Variants in SRSF10 observed in about 807,000 individuals in gnomAD.
SRSF10 encodes the protein serine/arginine-rich splicing factor 10.
SRSF10 carries 9 observed loss-of-function variants against 32.6 expected under a neutral mutation model. The observed-to-expected ratio is 0.28, with a 90% CI of 0.17 to 0.48. The LOEUF (loss-of-function observed/expected upper bound fraction) is 0.48, where lower values mean the gene tolerates loss of function less well. Ranked by LOEUF, SRSF10 falls within the 20% of genes least tolerant of loss-of-function variation. The pLI is 0.99. For synonymous variants in SRSF10, 105 were observed against 112.4 expected, an observed-to-expected ratio of 0.93 and a Z score of 0.42; for missense variants, 201 against 331.8, an observed-to-expected ratio of 0.61 and a Z score of 3.06.
intron 3 of SRSF10, among the ~76,000 whole-genome samples, chr1:23,973,819 C>T (rs1449369819): frequency 2.6e-5 from 4 of 152,106 alleles, no homozygotes; most frequent in Non-Finnish European, 5.9e-5. Flanking sequence ...TTCCTAAATG[C>T]CTTATGTACA....
In SRSF10 at chr1:23,967,648, GTTCTT is replaced by G; in HGVS notation, c.*3489_*3493del. ...TGGTCGCTTGAACTGCCCTTCTTTG[GTTCTT>G]TTTCCGCTTTCAGATCTTTCTTGAA... On this transcript the variant is annotated 3_prime_UTR_variant, in exon 6 of 6. Coordinates refer to ENST00000492112, the MANE Select transcript of SRSF10 (RefSeq NM_054016.4). 1.3e-6 allele frequency: 2 copies of G among 1,526,024 alleles called. No homozygotes were observed. Among genetic ancestry groups the G allele is most frequent in the South Asian group, 2.2e-5 (2 of 89,142 alleles). The allele number at this position is 1,526,024 out of a possible 1,614,324, so 94.5% of individuals were successfully genotyped here. A position where few individuals can be genotyped will look rare whatever the true frequency, so the allele number is the denominator to read the frequency against.
chr1:23,965,309 AACAT>A lies in SRSF10; in HGVS notation c.*5829_*5832del, dbSNP rs1641399231. The A allele has an allele frequency of 2.0e-5, 3 of 152,038 alleles. No homozygotes were observed. The highest frequency in any genetic ancestry group is 2.1e-4 in the South Asian group (1 of 4,834). The allele number at this position is 152,038 out of a possible 1,614,324, so 9.4% of individuals were successfully genotyped here. A position where few individuals can be genotyped will look rare whatever the true frequency, so the allele number is the denominator to read the frequency against. On this transcript the variant is annotated 3_prime_UTR_variant, in exon 6 of 6. Transcript: ENST00000492112. ...TATAATCTTAGGTTTTGTAAACAGG[AACAT>A]GGTCAAAATGCAATACAATGGAAAA...
In SRSF10 at chr1:23,971,878, T is replaced by G; in HGVS notation, c.409A>C (p.Asn137His). Reference protein sequence around the residue: ...RRSRSRSFDYNYRRSYSPRNS... With the variant: ...RRSRSRSFDYHYRRSYSPRNS... The stretch of plus-strand genomic sequence containing the variant: ...CTAGGACTATACGATCTTCTATAGT[T>G]GTAATCAAAAGACCGACTTCTTGAT... The change falls in exon 4 of 6, where the codon AAC (asparagine) becomes CAC (histidine). Residue 137 changes from asparagine (N) to histidine (H), a missense_variant. Coordinates refer to ENST00000492112, the MANE Select transcript of SRSF10 (RefSeq NM_054016.4). 6.2e-7 allele frequency: 1 copy of G among 1,609,818 alleles called. No individual in the cohort carries two copies. Among genetic ancestry groups the G allele is most frequent in the East Asian group, 2.2e-5 (1 of 44,782 alleles).
chr1:23,979,933 G>A (rs1392349771), intron 1 of SRSF10, among the ~76,000 whole-genome samples: 1 of 152,002 alleles, frequency 6.6e-6, no homozygotes, highest in Admixed American at 6.5e-5. Flanking sequence ...AGGAAGCAGG[G>A]AGAAAGGGGC....
chr1:23,968,049 A>T lies in SRSF10; in HGVS notation c.*3093T>A. 6.6e-7 allele frequency: 1 copy of T among 1,522,884 alleles called. No individual in the cohort carries two copies. Among genetic ancestry groups the T allele is most frequent in the South Asian group, 1.2e-5 (1 of 81,810 alleles). 94.3% of individuals were successfully genotyped at this position (1,522,884 alleles called of 1,614,324 possible). A position where few individuals can be genotyped will look rare whatever the true frequency, so the allele number is the denominator to read the frequency against. On this transcript the variant is annotated 3_prime_UTR_variant, in exon 6 of 6. Coordinates refer to ENST00000492112, the MANE Select transcript of SRSF10 (RefSeq NM_054016.4). ...ATTTGAGTGTTGATATAACCATTCT[A>T]TTTATCATTGAGCCCAGTCATACAC... is the stretch of plus-strand genomic sequence containing the variant.
intron 2 of SRSF10, among the ~76,000 whole-genome samples, chr1:23,978,433 C>T (rs1642214062): frequency 1.3e-5 from 2 of 152,328 alleles, no homozygotes; most frequent in South Asian, 4.1e-4. Context: ...AAAGGACTTA[C>T]ATTAAAGGTA....
chr1:23,973,396 C>T (rs932405909), intron 3 of SRSF10, among the ~76,000 whole-genome samples: 143 of 152,292 alleles, frequency 9.4e-4, no homozygotes, highest in African/African-American at 3.2e-3. Context: ...CTTGTGCAAA[C>T]ACAGCTCTCT....
rs1232230073 is a variant in SRSF10, at chr1:23,969,583, G to A, written c.*1559C>T. 13 of 984,944 alleles carry A rather than the reference G, an allele frequency of 1.3e-5. No homozygotes were observed. Among genetic ancestry groups the A allele is most frequent in the African/African-American group, 3.5e-5 (2 of 57,198 alleles). The allele number at this position is 984,944 out of a possible 1,614,324, so 61.0% of individuals were successfully genotyped here. A position where few individuals can be genotyped will look rare whatever the true frequency, so the allele number is the denominator to read the frequency against. Reference sequence around the variant, plus strand: ...AAAAAGTAATCCTCTAAAAGGAATCGTTTGTCCATAATTCGTACTTGTATC... The same window carrying A: ...AAAAAGTAATCCTCTAAAAGGAATCATTTGTCCATAATTCGTACTTGTATC... On this transcript the variant is annotated 3_prime_UTR_variant, in exon 6 of 6. Transcript: ENST00000492112.
In SRSF10 at chr1:23,974,903, A is replaced by G. The variant is rs1641994558; in HGVS notation, c.274+71T>C. The G allele has an allele frequency of 2.1e-5, 25 of 1,173,436 alleles. No homozygotes were observed. The Middle Eastern group carries it at 1.4e-3, about 67-fold the overall frequency. The allele number at this position is 1,173,436 out of a possible 1,614,324, so 72.7% of individuals were successfully genotyped here. ...TTTTGAACAGAAACACAAATTGCTT[A>G]AATTCTTAAAAAAAAATCTCAAAAC... On this transcript the variant is annotated intron_variant, in intron 3 of 5. Coordinates refer to ENST00000492112, the MANE Select transcript of SRSF10 (RefSeq NM_054016.4).
In SRSF10 at chr1:23,974,678, A is replaced by T. The variant is rs1392830441; in HGVS notation, c.274+296T>A. Among the ~76,000 whole-genome samples, 5 of 152,170 alleles carry T rather than the reference A, an allele frequency of 3.3e-5. No individual in the cohort carries two copies. In the East Asian group the frequency reaches 9.7e-4, roughly 29 times the overall value. On this transcript the variant is annotated intron_variant, in intron 3 of 5. Coordinates refer to ENST00000492112, the MANE Select transcript of SRSF10 (RefSeq NM_054016.4). ...ACTCCGTCTCTACTAAAAATACAAA[A>T]ATCAGCCAGATGTGGTGGCATGCAC...
At position 23,975,432 on chromosome 1, in the gene SRSF10, T is replaced by C. The variant is rs1337326410; in HGVS notation, c.171-355A>G. 3 of 187,874 alleles carry C rather than the reference T, an allele frequency of 1.6e-5. 1 individual carries two copies. The highest frequency in any genetic ancestry group is 1.2e-4 in the Admixed American group (2 of 16,850). 11.6% of individuals were successfully genotyped at this position (187,874 alleles called of 1,614,324 possible). A position where few individuals can be genotyped will look rare whatever the true frequency, so the allele number is the denominator to read the frequency against. On this transcript the variant is annotated intron_variant, in intron 2 of 5. Coordinates refer to ENST00000492112, the MANE Select transcript of SRSF10 (RefSeq NM_054016.4). ...AAAGAAAAAACAAATGTCAGTTATA[T>C]GTTGTATGCTAAAATAAAAATTTCT...
At chr1:23,973,866 T>C (rs1053786228) in intron 3 of SRSF10, among the ~76,000 whole-genome samples, 27 of 152,220 alleles carry the variant, frequency 1.8e-4, no homozygotes, top group African/African-American at 5.8e-4. Context: ...ATGAAGCAGA[T>C]ACTTTATGTA....
In SRSF10 at chr1:23,970,862, C is replaced by A; in HGVS notation, c.*280G>T. 1 of 1,160,334 alleles carries A rather than the reference C, an allele frequency of 8.6e-7. No individual in the cohort carries two copies. The highest frequency in any genetic ancestry group is 1.1e-6 in the Non-Finnish European group (1 of 943,062). The allele number at this position is 1,160,334 out of a possible 1,614,324, so 71.9% of individuals were successfully genotyped here. A position where few individuals can be genotyped will look rare whatever the true frequency, so the allele number is the denominator to read the frequency against. ...AATGTTGCAAATTATGGTCAACCAA[C>A]ATCTTTTCACCAAATACTTCAAGCA... On this transcript the variant is annotated 3_prime_UTR_variant, in exon 6 of 6. Transcript: ENST00000492112.
rs1557562614 is a variant in SRSF10 at position 23,970,798 on chromosome 1, C to A, written c.*344G>T. 6.7e-6 allele frequency: 7 copies of A among 1,048,734 alleles called. No individual in the cohort carries two copies. In the South Asian group the frequency reaches 2.5e-4, roughly 38 times the overall value. 65.0% of individuals were successfully genotyped at this position (1,048,734 alleles called of 1,614,324 possible). On this transcript the variant is annotated 3_prime_UTR_variant, in exon 6 of 6. Transcript: ENST00000492112. ...AAGCTACATTTCTAGGTTAACAGTT[C>A]TACCAAATATGAATATGAAAGTTTA... is the stretch of plus-strand genomic sequence containing the variant.
chr1:23,966,687 G>A lies in SRSF10; in HGVS notation c.*4455C>T, dbSNP rs1442323804. The A allele has an allele frequency of 6.6e-6, 1 of 151,912 alleles. No homozygotes were observed. The highest frequency in any genetic ancestry group is 1.5e-5 in the Non-Finnish European group (1 of 67,864). 9.4% of individuals were successfully genotyped at this position (151,912 alleles called of 1,614,324 possible). ...GGGGGTTATATCCTAGCATGTGTTT[G>A]GTGAGGCAGAGTAAACAATTTATTA... On this transcript the variant is annotated 3_prime_UTR_variant, in exon 6 of 6. Transcript: ENST00000492112.
chr1:23,972,948 C>T (rs1641862078), intron 3 of SRSF10, among the ~76,000 whole-genome samples: 1 of 152,150 alleles, frequency 6.6e-6, no homozygotes. Flanking sequence ...CCATGTTGGT[C>T]AGGCTGGACT....
rs1475647398 is a variant in SRSF10, at chr1:23,966,859, G to T, written c.*4283C>A. On this transcript the variant is annotated 3_prime_UTR_variant, in exon 6 of 6. Transcript: ENST00000492112. ...AATTACTTATCCTTGATCGTATATTGTGTTCTATAATTACATTGATACGAA... is the reference window on the plus strand; with the variant it reads ...AATTACTTATCCTTGATCGTATATTTTGTTCTATAATTACATTGATACGAA... The T allele has an allele frequency of 6.6e-6, 1 of 151,932 alleles. No individual in the cohort carries two copies. The highest frequency in any genetic ancestry group is 1.5e-5 in the Non-Finnish European group (1 of 67,924). 9.4% of individuals were successfully genotyped at this position (151,932 alleles called of 1,614,324 possible). A position where few individuals can be genotyped will look rare whatever the true frequency, so the allele number is the denominator to read the frequency against.
chr1:23,969,520 T>G lies in SRSF10; in HGVS notation c.*1622A>C, dbSNP rs2148496424. ...GTATTTAAAATCCATCGTTGTATTC[T>G]TTACAGGCAAAGCCTAGATTACTAA... On this transcript the variant is annotated 3_prime_UTR_variant, in exon 6 of 6. Coordinates refer to ENST00000492112, the MANE Select transcript of SRSF10 (RefSeq NM_054016.4). 4.1e-6 allele frequency: 4 copies of G among 985,444 alleles called. No homozygotes were observed. In the South Asian group the frequency reaches 1.9e-4, roughly 46 times the overall value. The allele number at this position is 985,444 out of a possible 1,614,324, so 61.0% of individuals were successfully genotyped here.
intron 3 of SRSF10, 67 bp from the exon 4 acceptor site, chr1:23,972,079 G>C (rs1444819693): frequency 7.4e-5 from 100 of 1,351,224 alleles, no homozygotes; most frequent in Non-Finnish European, 9.7e-5. Context: ...TCAATAAATA[G>C]GGAAAAAAAT....
Sources: gnomAD v4.1 joint callset for allele counts (sites outside exome capture counted in the v4.1 genomes callset) on GRCh38, gnomAD v4.1.1 for gene constraint, MANE v1.5 for transcripts, NCBI Gene and HGNC (gene_info 2026-07-23, HGNC 2026-07-21) for gene names.